Variants in SLC25A13 observed in about 807,000 individuals in gnomAD.
The protein encoded by SLC25A13 is electrogenic aspartate/glutamate antiporter SLC25A13, mitochondrial.
A neutral mutation model predicts 85.5 loss-of-function variants in SLC25A13; 70 were observed. The ratio of observed to expected loss-of-function variants is 0.82; its 90% CI spans 0.68 to 1.00. The LOEUF (loss-of-function observed/expected upper bound fraction) is 1.00. Ranked by LOEUF, SLC25A13 falls within the 50% of genes least tolerant of loss-of-function variation. The pLI is 0.00. For missense variants in SLC25A13, 765 were observed against 819.8 expected (o/e 0.93, Z 0.82); for synonymous variants, 259 against 288.7 (o/e 0.90, Z 1.04).
At chr7:96,290,980 T>G (rs1454604026) in intron 2 of SLC25A13, among the ~76,000 whole-genome samples, 6 of 152,238 alleles carry the variant, frequency 3.9e-5, no homozygotes, top group Non-Finnish European at 1.5e-5. Context: ...ATATACATTC[T>G]TCTCAGCACC....
At position 96,184,789 on chromosome 7, in the gene SLC25A13, A is replaced by T. The variant is rs1794560943; in HGVS notation, c.1018+138T>A. 3.8e-6 allele frequency: 3 copies of T among 781,634 alleles called. No homozygotes were observed. In the African/African-American group the frequency reaches 5.2e-5, roughly 13 times the overall value. 48.4% of individuals were successfully genotyped at this position (781,634 alleles called of 1,614,324 possible). On this transcript the variant is annotated intron_variant, in intron 10 of 17. Coordinates refer to ENST00000265631, the MANE Select transcript of SLC25A13 (RefSeq NM_014251.3). ...AAAGAGTTCCCTTTACTCTTGCCCTACCTCACAGGTAGAAACTGATAACTG... is the reference window on the plus strand; with the variant it reads ...AAAGAGTTCCCTTTACTCTTGCCCTTCCTCACAGGTAGAAACTGATAACTG...
At chr7:96,259,165 G>T (rs1184636421) in intron 3 of SLC25A13, among the ~76,000 whole-genome samples, 1 of 152,168 alleles carries the variant, frequency 6.6e-6, no homozygotes, top group Non-Finnish European at 1.5e-5. Context: ...AAGACTTCAT[G>T]ATTAAAATAC....
At chr7:96,306,977 C>G in intron 1 of SLC25A13, 2 of 831,718 alleles carry the variant, frequency 2.4e-6, no homozygotes, top group Non-Finnish European at 3.9e-6. Context: ...GTCCCAGCAC[C>G]GATGGCTTCC....
intron 1 of SLC25A13, among the ~76,000 whole-genome samples, chr7:96,316,979 TA>T (rs1238832153): frequency 1.3e-5 from 2 of 152,154 alleles, no homozygotes; most frequent in Non-Finnish European, 2.9e-5. Flanking sequence ...TATTTTATTT[TA>T]TTTTTTTGAG....
At chr7:96,250,084 G>A (rs1338484121) in intron 3 of SLC25A13, among the ~76,000 whole-genome samples, 2 of 152,052 alleles carry the variant, frequency 1.3e-5, no homozygotes, top group Non-Finnish European at 2.9e-5. Context: ...TCAGGAGGCT[G>A]AGTGAGGCAG....
rs991235709 is a variant in SLC25A13 at position 96,294,534 on chromosome 7, G to A, written c.69+2364C>T. The stretch of plus-strand genomic sequence containing the variant: ...TGAGGCATGAGAATCACATGAACCC[G>A]GGAGACAGAGGTTGCAGTGAGCTGA... On this transcript the variant is annotated intron_variant, in intron 2 of 17. Transcript: ENST00000265631. Among the ~76,000 whole-genome samples the A allele has an allele frequency of 1.1e-4, 16 of 151,786 alleles. No homozygotes were observed. In the South Asian group the frequency reaches 1.7e-3, roughly 16 times the overall value.
chr7:96,152,427 A>C (rs900075379), intron 13 of SLC25A13, among the ~76,000 whole-genome samples: 1 of 152,214 alleles, frequency 6.6e-6, no homozygotes, highest in African/African-American at 2.4e-5. Flanking sequence ...AAAGGCCAGA[A>C]TTAGAACAGT....
chr7:96,259,985 A>G (rs1035005512), intron 3 of SLC25A13, among the ~76,000 whole-genome samples: 3 of 151,466 alleles, frequency 2.0e-5, no homozygotes, highest in Non-Finnish European at 2.9e-5. Flanking sequence ...GTTCGCACTC[A>G]TAAGTGGTAG....
At chr7:96,292,131 A>C (rs2116982392) in intron 2 of SLC25A13, among the ~76,000 whole-genome samples, 1 of 152,344 alleles carries the variant, frequency 6.6e-6, no homozygotes, top group East Asian at 1.9e-4. Context: ...CAACATACGC[A>C]AATCAATAAA....
At chr7:96,193,286 T>C in intron 5 of SLC25A13, 103 bp from the exon 6 acceptor site, 2 of 1,411,188 alleles carry the variant, frequency 1.4e-6, no homozygotes, top group Non-Finnish European at 1.9e-6. Context: ...AGAGTTTACA[T>C]CTTGATCTAA....
intron 3 of SLC25A13, among the ~76,000 whole-genome samples, chr7:96,267,656 A>C (rs1182046040): frequency 6.6e-6 from 1 of 152,156 alleles, no homozygotes; most frequent in Non-Finnish European, 1.5e-5. Flanking sequence ...TTTACTAAAA[A>C]TACAAAAATT....
chr7:96,188,891 G>T (rs535951359), intron 9 of SLC25A13, among the ~76,000 whole-genome samples: 88 of 152,218 alleles, frequency 5.8e-4, no homozygotes, highest in Non-Finnish European at 1.1e-3. Context: ...ACGATGCGCT[G>T]ATGAAGGGCT....
At chr7:96,232,720 A>G (rs1018800618) in intron 4 of SLC25A13, among the ~76,000 whole-genome samples, 4 of 151,556 alleles carry the variant, frequency 2.6e-5, no homozygotes, top group Non-Finnish European at 2.9e-5. Flanking sequence ...ATTTGTATAA[A>G]GGCCTTTGTT....
At chr7:96,162,172 GA>G (rs1225599843) in intron 13 of SLC25A13, among the ~76,000 whole-genome samples, 1 of 152,162 alleles carries the variant, frequency 6.6e-6, no homozygotes, top group Non-Finnish European at 1.5e-5. Flanking sequence ...AAAAGATCGC[GA>G]AGTAAGACTT....
At chr7:96,310,612 G>C (rs1386432755) in intron 1 of SLC25A13, among the ~76,000 whole-genome samples, 1 of 152,184 alleles carries the variant, frequency 6.6e-6, no homozygotes, top group Non-Finnish European at 1.5e-5. Context: ...TTTACTGAAA[G>C]GCTTCAGCAT....
At chr7:96,257,702 C>T (rs965528876) in intron 3 of SLC25A13, among the ~76,000 whole-genome samples, 1 of 152,148 alleles carries the variant, frequency 6.6e-6, no homozygotes, top group African/African-American at 2.4e-5. Flanking sequence ...GGACTCCTCC[C>T]TAACTCATTT....
At chr7:96,272,889 A>G (rs1347036128) in intron 3 of SLC25A13, among the ~76,000 whole-genome samples, 1 of 152,232 alleles carries the variant, frequency 6.6e-6, no homozygotes, top group African/African-American at 2.4e-5. Context: ...TAACCGGTTC[A>G]GCAAAGAATC....
chr7:96,189,049 G>C (rs532042865), intron 9 of SLC25A13, among the ~76,000 whole-genome samples: 1 of 152,170 alleles, frequency 6.6e-6, no homozygotes, highest in Non-Finnish European at 1.5e-5. Context: ...GGAGCATTAG[G>C]CTTCTGGTGC....
chr7:96,279,757 T>C (rs551211705), intron 2 of SLC25A13, among the ~76,000 whole-genome samples: 5 of 152,188 alleles, frequency 3.3e-5, no homozygotes, highest in Admixed American at 2.0e-4. Flanking sequence ...AGTAGGTTTA[T>C]CTTTTACCTT....
Sources: gnomAD v4.1 joint callset for allele counts (sites outside exome capture counted in the v4.1 genomes callset) on GRCh38, gnomAD v4.1.1 for gene constraint, MANE v1.5 for transcripts, NCBI Gene and HGNC (gene_info 2026-07-23, HGNC 2026-07-21) for gene names.